The following CSMD1 variants were observed in gnomAD, a reference collection of about 807,000 sequenced individuals.
CSMD1 encodes the protein CUB and sushi domain-containing protein 1.
CSMD1 carries 213 observed loss-of-function variants against 417.5 expected under a neutral mutation model. The ratio of observed to expected loss-of-function variants is 0.51; its 90% CI spans 0.46 to 0.57. The LOEUF (loss-of-function observed/expected upper bound fraction) is 0.57, where lower values mean the gene tolerates loss of function less well. Among genes scored for constraint, CSMD1 ranks in the 20% least tolerant of loss-of-function variants. The pLI, the probability that CSMD1 is intolerant of heterozygous loss-of-function variation, is 0.00. For synonymous variants in CSMD1, 2,862 were observed against 1,736.8 expected (o/e 1.65, Z -16.11); for missense variants, 6,923 against 4,529.7 (o/e 1.53, Z -15.17).
intron 62 of CSMD1, among the ~76,000 whole-genome samples, chr8:2,959,078 T>G (rs1191770187): frequency 6.6e-6 from 1 of 152,240 alleles, no homozygotes; most frequent in Non-Finnish European, 1.5e-5. Context: ...TTGACTCATT[T>G]ACTCTTGATT....
chr8:4,788,396 G>A (rs1797521900), intron 1 of CSMD1: 2 of 1,397,026 alleles, frequency 1.4e-6, no homozygotes, highest in East Asian at 4.6e-5. Context: ...CTCAGGATGT[G>A]TGGTCTTCTC....
intron 5 of CSMD1, among the ~76,000 whole-genome samples, chr8:3,919,729 G>A (rs1001906355): frequency 2.6e-5 from 4 of 151,974 alleles, no homozygotes; most frequent in Non-Finnish European, 5.9e-5. Context: ...TGCGTAGTAT[G>A]GACATTTTAA....
At chr8:4,568,211 C>T (rs562170913) in intron 2 of CSMD1, among the ~76,000 whole-genome samples, 1 of 152,208 alleles carries the variant, frequency 6.6e-6, no homozygotes, top group African/African-American at 2.4e-5. Flanking sequence ...CATGGGTATA[C>T]ATGTTTACTG....
chr8:4,344,098 C>A (rs956296810), intron 3 of CSMD1, among the ~76,000 whole-genome samples: 3 of 152,210 alleles, frequency 2.0e-5, no homozygotes, highest in African/African-American at 7.2e-5. Flanking sequence ...TATACCAGCA[C>A]CTCGAGTAAA....
chr8:4,122,927 G>C (rs1470324986), intron 3 of CSMD1, among the ~76,000 whole-genome samples: 1 of 152,214 alleles, frequency 6.6e-6, no homozygotes, highest in African/African-American at 2.4e-5. Flanking sequence ...ACAAATCCAC[G>C]TTAAATTCTA....
At chr8:4,282,970 C>A (rs890438327) in intron 3 of CSMD1, among the ~76,000 whole-genome samples, 4 of 152,066 alleles carry the variant, frequency 2.6e-5, no homozygotes, top group Admixed American at 2.6e-4. Flanking sequence ...CTCATATATT[C>A]TTACTATTTC....
intron 28 of CSMD1, among the ~76,000 whole-genome samples, chr8:3,223,350 G>C (rs1320984886): frequency 6.6e-6 from 1 of 152,128 alleles, no homozygotes; most frequent in Non-Finnish European, 1.5e-5. Context: ...GGAACGTCAG[G>C]ATGTGCTGTG....
chr8:4,668,435 T>TTAC (rs1447169563), intron 1 of CSMD1, among the ~76,000 whole-genome samples: 2 of 145,200 alleles, frequency 1.4e-5, no homozygotes, highest in Non-Finnish European at 3.0e-5. Flanking sequence ...ATTATTATTA[T>TTAC]TATTATTATT....
At chr8:4,041,178 G>C (rs1045307259) in intron 3 of CSMD1, among the ~76,000 whole-genome samples, 7 of 151,522 alleles carry the variant, frequency 4.6e-5, no homozygotes, top group Non-Finnish European at 1.0e-4. Flanking sequence ...CACCACGCCC[G>C]GCTAATTTTT....
At chr8:4,885,932 G>C (rs1404230481) in intron 1 of CSMD1, among the ~76,000 whole-genome samples, 4 of 151,902 alleles carry the variant, frequency 2.6e-5, no homozygotes, top group African/African-American at 7.3e-5. Flanking sequence ...TCTTTGTAAG[G>C]ATTTTATCAT....
intron 41 of CSMD1, 128 bp downstream of exon 41, chr8:3,142,337 A>T: frequency 1.2e-6 from 1 of 845,052 alleles, no homozygotes; most frequent in Non-Finnish European, 1.9e-6. Flanking sequence ...CCAGAAACCA[A>T]CATTCCACCA....
intron 23 of CSMD1, among the ~76,000 whole-genome samples, chr8:3,339,440 C>A (rs1021418883): frequency 6.6e-6 from 1 of 152,098 alleles, no homozygotes. Flanking sequence ...AAAAGCATTC[C>A]CTGGGTGATT....
At chr8:4,479,685 G>GGA (rs909143150) in intron 2 of CSMD1, among the ~76,000 whole-genome samples, 4 of 152,186 alleles carry the variant, frequency 2.6e-5, no homozygotes, top group Admixed American at 6.5e-5. Flanking sequence ...CACGAGGTCA[G>GGA]GAGAGAGAGA....
chr8:4,271,476 A>G (rs1377366334), intron 3 of CSMD1, among the ~76,000 whole-genome samples: 1 of 152,142 alleles, frequency 6.6e-6, no homozygotes, highest in Non-Finnish European at 1.5e-5. Context: ...AATGCAATAC[A>G]TTTTTCATAG....
chr8:4,244,122 G>A (rs758697665), intron 3 of CSMD1, among the ~76,000 whole-genome samples: 35 of 152,178 alleles, frequency 2.3e-4, no homozygotes, highest in Admixed American at 7.2e-4. Flanking sequence ...CTGTGCGGAT[G>A]AGTTTCGCGC....
At chr8:4,333,868 T>C (rs1203963305) in intron 3 of CSMD1, among the ~76,000 whole-genome samples, 2 of 152,104 alleles carry the variant, frequency 1.3e-5, no homozygotes, top group Non-Finnish European at 2.9e-5. Context: ...ACATGGGGAT[T>C]CTAATACAAT....
In CSMD1 at chr8:3,795,811, CA is replaced by C. The variant is rs1363357462; in HGVS notation, c.819-41770del. Among the ~76,000 whole-genome samples, 2 of 63,238 alleles carry C rather than the reference CA, an allele frequency of 3.2e-5. 1 individual carries two copies. Among genetic ancestry groups the C allele is most frequent in the African/African-American group, 1.4e-4 (2 of 14,696 alleles). 41.5% of individuals were successfully genotyped at this position (63,238 alleles called of 152,430 possible). The stretch of plus-strand genomic sequence containing the variant: ...GATATAGATATATACCTATCATGTA[CA>C]GATATAGATATATATCTATCATGTA... On this transcript the variant is annotated intron_variant, in intron 5 of 69. Coordinates refer to ENST00000635120, the MANE Select transcript of CSMD1 (RefSeq NM_033225.6).
At chr8:3,505,999 A>G (rs528981338) in intron 10 of CSMD1, among the ~76,000 whole-genome samples, 6 of 152,228 alleles carry the variant, frequency 3.9e-5, no homozygotes, top group Non-Finnish European at 7.3e-5. Flanking sequence ...ACACGTATGT[A>G]TATTTATTCT....
chr8:4,898,470 C>T (rs137975791), intron 1 of CSMD1, among the ~76,000 whole-genome samples: 39 of 151,344 alleles, frequency 2.6e-4, no homozygotes, highest in Admixed American at 1.3e-4. Flanking sequence ...AAGTGAGAGC[C>T]GACCAAAATC....
Sources: allele counts gnomAD v4.1 joint callset (sites outside exome capture counted in the v4.1 genomes callset), GRCh38; gene constraint gnomAD v4.1.1; transcripts MANE v1.5; gene names NCBI Gene and HGNC (gene_info 2026-07-23, HGNC 2026-07-21).